Variants in CCDC91 observed in about 807,000 individuals in gnomAD.
CCDC91 encodes the protein coiled-coil domain-containing protein 91.
In CCDC91, 48 loss-of-function variants were observed where a neutral mutation model predicts 63.2. The observed-to-expected ratio is 0.76, with a 90% CI of 0.60 to 0.97. The LOEUF (loss-of-function observed/expected upper bound fraction) is 0.97, where lower values mean the gene tolerates loss of function less well. Ranked by LOEUF, CCDC91 falls within the 50% of genes least tolerant of loss-of-function variation. CCDC91 has a pLI of 0.00. For synonymous variants in CCDC91, 167 were observed against 165.8 expected (o/e 1.01, Z -0.06); for missense variants, 500 against 494.6 (o/e 1.01, Z -0.10).
chr12:28,283,571 A>G (rs1310051980), intron 3 of CCDC91, among the ~76,000 whole-genome samples: 3 of 152,050 alleles, frequency 2.0e-5, no homozygotes, highest in Non-Finnish European at 4.4e-5. Flanking sequence ...ATGGTTGTGT[A>G]AAGGTTGAGT....
chr12:28,453,017 A>G (rs1949889520), intron 11 of CCDC91, among the ~76,000 whole-genome samples: 1 of 151,886 alleles, frequency 6.6e-6, no homozygotes, highest in South Asian at 2.1e-4. Flanking sequence ...CTCAATCAAT[A>G]CAAAATAATA....
intron 12 of CCDC91, among the ~76,000 whole-genome samples, chr12:28,503,432 G>A (rs1206671371): frequency 3.9e-5 from 6 of 152,146 alleles, no homozygotes; most frequent in Middle Eastern, 3.4e-3. Context: ...AAGTCAGGAA[G>A]CAACAGGTGC....
chr12:28,394,195 A>G lies in CCDC91; in HGVS notation c.762+2784A>G, dbSNP rs556364386. Among the ~76,000 whole-genome samples, 16 of 152,288 alleles carry G rather than the reference A, an allele frequency of 1.1e-4. 1 individual carries two copies. The South Asian group carries it at 1.9e-3, about 18-fold the overall frequency. Reference sequence around the variant, plus strand: ...TTAAAAAGCAAAGATTAGTCGTTGCAGTGGCTCACGCCTGTAATCCCAGCA... The same window carrying G: ...TTAAAAAGCAAAGATTAGTCGTTGCGGTGGCTCACGCCTGTAATCCCAGCA... On this transcript the variant is annotated intron_variant, in intron 8 of 12. Coordinates refer to ENST00000536442, the MANE Select transcript of CCDC91 (RefSeq NM_018318.5).
chr12:28,413,883 T>G (rs1947477207), intron 8 of CCDC91, among the ~76,000 whole-genome samples: 1 of 152,240 alleles, frequency 6.6e-6, no homozygotes, highest in African/African-American at 2.4e-5. Context: ...TTACCAATGA[T>G]TTGTGAGTGC....
intron 1 of CCDC91, among the ~76,000 whole-genome samples, chr12:28,215,439 T>G (rs1477945191): frequency 1.3e-5 from 2 of 152,176 alleles, no homozygotes; most frequent in Non-Finnish European, 2.9e-5. Flanking sequence ...GAAAATTAGT[T>G]GATTATTTCC....
At chr12:28,200,888 C>G (rs1208732920) in intron 1 of CCDC91, among the ~76,000 whole-genome samples, 2 of 151,270 alleles carry the variant, frequency 1.3e-5, no homozygotes, top group African/African-American at 4.9e-5. Context: ...GACAGGGCGG[C>G]TGGCCGGGCG....
intron 1 of CCDC91, among the ~76,000 whole-genome samples, chr12:28,193,030 C>G (rs996354364): frequency 3.3e-5 from 5 of 152,160 alleles, no homozygotes; most frequent in Admixed American, 2.6e-4. Flanking sequence ...GTTTCTTTCA[C>G]TTAATGCTTT....
At chr12:28,403,876 A>G (rs2139566161) in intron 8 of CCDC91, among the ~76,000 whole-genome samples, 1 of 151,932 alleles carries the variant, frequency 6.6e-6, no homozygotes, top group African/African-American at 2.4e-5. Flanking sequence ...GATATCCCTT[A>G]TTTCATTTCT....
intron 7 of CCDC91, among the ~76,000 whole-genome samples, chr12:28,364,152 G>A (rs1175555440): frequency 2.0e-5 from 3 of 152,046 alleles, no homozygotes; most frequent in Non-Finnish European, 4.4e-5. Context: ...TTGGGAGGCC[G>A]AAGTGGGTGG....
At chr12:28,239,359 GTTAAAA>G (rs1401765023) in intron 1 of CCDC91, among the ~76,000 whole-genome samples, 3 of 151,956 alleles carry the variant, frequency 2.0e-5, no homozygotes, top group Non-Finnish European at 4.4e-5. Context: ...ATGCTTTAAA[GTTAAAA>G]TTAACATTTA....
chr12:28,237,229 T>TACGCATACACAC (rs1945010830), intron 1 of CCDC91, among the ~76,000 whole-genome samples: 1 of 23,256 alleles, frequency 4.3e-5, no homozygotes, highest in African/African-American at 9.0e-5. Flanking sequence ...ACATGTGTAT[T>TACGCATACACAC]ACACATACAC....
At chr12:28,284,117 C>T (rs1948768935) in intron 3 of CCDC91, among the ~76,000 whole-genome samples, 1 of 151,812 alleles carries the variant, frequency 6.6e-6, no homozygotes, top group Non-Finnish European at 1.5e-5. Context: ...AGCCTTTCTT[C>T]TTCTTTTTTT....
intron 6 of CCDC91, among the ~76,000 whole-genome samples, chr12:28,348,755 G>T (rs368047243): frequency 1.3e-5 from 2 of 151,334 alleles, no homozygotes; most frequent in South Asian, 4.2e-4. Flanking sequence ...TCAGGGTCTC[G>T]CTCTGTCACC....
chr12:28,250,228 G>A (rs1946030120), intron 1 of CCDC91, among the ~76,000 whole-genome samples: 3 of 152,104 alleles, frequency 2.0e-5, no homozygotes, highest in Admixed American at 1.3e-4. Context: ...CTGAATGAAG[G>A]TTGGTAAAGA....
chr12:28,294,385 G>T (rs1382150809), intron 3 of CCDC91, among the ~76,000 whole-genome samples: 2 of 152,074 alleles, frequency 1.3e-5, no homozygotes, highest in Admixed American at 6.5e-5. Context: ...TATGGAGGTG[G>T]TTCCCCCCGC....
chr12:28,471,136 G>C lies in CCDC91; in HGVS notation c.1102-12916G>C, dbSNP rs74072623. Among the ~76,000 whole-genome samples, 314 of 152,232 alleles carry C rather than the reference G, an allele frequency of 2.1e-3. 2 individuals carry two copies. The highest frequency in any genetic ancestry group is 7.2e-3 in the African/African-American group (301 of 41,550). ...CTAGATTGTAAGACATGAGTTTCTA[G>C]ATAGACCTGTAACTAGGTTCATCAT... is the stretch of plus-strand genomic sequence containing the variant. On this transcript the variant is annotated intron_variant, in intron 11 of 12. Transcript: ENST00000536442.
chr12:28,338,648 A>G (rs1375293553), intron 6 of CCDC91, among the ~76,000 whole-genome samples: 3 of 151,936 alleles, frequency 2.0e-5, no homozygotes, highest in Non-Finnish European at 4.4e-5. Context: ...CAAGAGTGCC[A>G]TGATTGTCAT....
chr12:28,496,826 C>T (rs932096108), intron 12 of CCDC91, among the ~76,000 whole-genome samples: 14 of 149,648 alleles, frequency 9.4e-5, no homozygotes, highest in African/African-American at 3.4e-4. Flanking sequence ...AGATTAGGTT[C>T]TGGGTTCTAT....
At chr12:28,259,563 G>A in intron 3 of CCDC91, 121 bp downstream of exon 3, 1 of 642,440 alleles carries the variant, frequency 1.6e-6, no homozygotes, top group Non-Finnish European at 2.8e-6. Flanking sequence ...GAAAAATGGA[G>A]TGATCCAGAT....
Sources: gnomAD v4.1 joint callset for allele counts (sites outside exome capture counted in the v4.1 genomes callset) on GRCh38, gnomAD v4.1.1 for gene constraint, MANE v1.5 for transcripts, NCBI Gene and HGNC (gene_info 2026-07-23, HGNC 2026-07-21) for gene names.